PPP4R4: variants seen among roughly 807,000 people sequenced by gnomAD.
PPP4R4 encodes the protein serine/threonine-protein phosphatase 4 regulatory subunit 4.
PPP4R4 carries 70 observed loss-of-function variants against 121.8 expected under a neutral mutation model. The observed-to-expected ratio is 0.57, with a 90% CI of 0.47 to 0.70. PPP4R4 has a LOEUF of 0.70. Ranked by LOEUF, PPP4R4 falls within the 30% of genes least tolerant of loss-of-function variation. PPP4R4 has a pLI of 0.00. For missense variants in PPP4R4, 875 were observed against 1,033.6 expected (o/e 0.85, Z 2.10); for synonymous variants, 348 against 355.7 (o/e 0.98, Z 0.24).
chr14:94,224,962 G>C (rs1036378480), intron 3 of PPP4R4, among the ~76,000 whole-genome samples: 1 of 152,026 alleles, frequency 6.6e-6, no homozygotes, highest in Non-Finnish European at 1.5e-5. Flanking sequence ...TTTAATTTTA[G>C]GTTCTTGATT....
intron 2 of PPP4R4, among the ~76,000 whole-genome samples, chr14:94,187,305 C>CG (rs1289500923): frequency 1.3e-5 from 2 of 150,384 alleles, no homozygotes; most frequent in Non-Finnish European, 3.0e-5. Context: ...GACTCTGTCT[C>CG]GGAAAAAAAA....
chr14:94,224,471 G>C (rs763924128), intron 3 of PPP4R4, among the ~76,000 whole-genome samples: 3 of 152,064 alleles, frequency 2.0e-5, no homozygotes, highest in Non-Finnish European at 4.4e-5. Context: ...ATGGATTAAA[G>C]AAATAGACAA....
At chr14:94,197,499 A>G (rs1889944970) in intron 2 of PPP4R4, among the ~76,000 whole-genome samples, 1 of 152,176 alleles carries the variant, frequency 6.6e-6, no homozygotes, top group Admixed American at 6.5e-5. Context: ...CACTGCTGCC[A>G]TCTTCATAGG....
At chr14:94,174,736 C>A (rs1805342422) in intron 1 of PPP4R4, among the ~76,000 whole-genome samples, 154 bp downstream of exon 1, 1 of 151,950 alleles carries the variant, frequency 6.6e-6, no homozygotes, top group Non-Finnish European at 1.5e-5. Flanking sequence ...ACCCCTCTTG[C>A]CGTGTCGCCC....
intron 8 of PPP4R4, 107 bp downstream of exon 8, chr14:94,237,793 C>T (rs1892422073): frequency 1.5e-6 from 2 of 1,300,826 alleles, no homozygotes; most frequent in African/African-American, 1.5e-5. Flanking sequence ...TGTTAAGCCT[C>T]CCTTCCTCTC....
At chr14:94,181,999 T>C (rs893726974) in intron 2 of PPP4R4, among the ~76,000 whole-genome samples, 4 of 152,220 alleles carry the variant, frequency 2.6e-5, no homozygotes, top group African/African-American at 7.2e-5. Flanking sequence ...AGCTTTCAGC[T>C]TGCAGTTGCA....
intron 2 of PPP4R4, among the ~76,000 whole-genome samples, chr14:94,177,722 CTTAT>C (rs1230478216): frequency 6.6e-6 from 1 of 152,090 alleles, no homozygotes; most frequent in Non-Finnish European, 1.5e-5. Context: ...TTAAGGAAAG[CTTAT>C]TTGTTTTCTA....
At position 94,264,883 on chromosome 14, in the gene PPP4R4, AT is replaced by A; in HGVS notation, c.2135del (p.Leu712Ter). The A allele has an allele frequency of 6.2e-7, 1 of 1,600,926 alleles. No homozygotes were observed. Among genetic ancestry groups the A allele is most frequent in the Non-Finnish European group, 8.5e-7 (1 of 1,174,494 alleles). On this transcript the variant is annotated frameshift_variant, in exon 20 of 25. Transcript: ENST00000304338. LOFTEE classifies it high-confidence loss of function. ...AGATACTGTCTTAATAACAGGAACA[AT>A]TAGAGAAAGAAAAGCAACAGAATGA... ...EELLLLEMEQ[L>X]EKEKQQNDGR...
intron 11 of PPP4R4, among the ~76,000 whole-genome samples, chr14:94,242,771 C>A (rs1170720733): frequency 6.6e-6 from 1 of 152,032 alleles, no homozygotes; most frequent in Non-Finnish European, 1.5e-5. Context: ...CACTTGAGAA[C>A]CAATAGAAAA....
At chr14:94,241,235 C>T (rs1385122158) in intron 9 of PPP4R4, among the ~76,000 whole-genome samples, 3 of 151,926 alleles carry the variant, frequency 2.0e-5, no homozygotes, top group African/African-American at 4.8e-5. Context: ...CTTTCCGTAT[C>T]GATGTGAGAT....
At chr14:94,260,575 C>A (rs1302812576) in intron 19 of PPP4R4, among the ~76,000 whole-genome samples, 3 of 151,748 alleles carry the variant, frequency 2.0e-5, no homozygotes, top group Non-Finnish European at 4.4e-5. Flanking sequence ...TTTTTCTATT[C>A]CTGATGCCTA....
At chr14:94,183,713 T>C (rs1480078310) in intron 2 of PPP4R4, among the ~76,000 whole-genome samples, 1 of 152,172 alleles carries the variant, frequency 6.6e-6, no homozygotes, top group Non-Finnish European at 1.5e-5. Context: ...AAGTGACCCA[T>C]ATAATGTCAT....
intron 9 of PPP4R4, among the ~76,000 whole-genome samples, chr14:94,241,136 T>C (rs1892612434): frequency 6.6e-6 from 1 of 152,144 alleles, no homozygotes; most frequent in Non-Finnish European, 1.5e-5. Flanking sequence ...TAACCATTTA[T>C]TGAATAATTT....
intron 5 of PPP4R4, among the ~76,000 whole-genome samples, chr14:94,233,295 TAATC>T (rs1892152896): frequency 6.6e-6 from 1 of 152,248 alleles, no homozygotes; most frequent in African/African-American, 2.4e-5. Flanking sequence ...ATATAAAAAT[TAATC>T]TATATGGAAT....
intron 2 of PPP4R4, among the ~76,000 whole-genome samples, chr14:94,189,769 CT>C (rs1889493676): frequency 6.6e-6 from 1 of 152,164 alleles, no homozygotes; most frequent in Non-Finnish European, 1.5e-5. Flanking sequence ...GCCTGACCAT[CT>C]TTCTATATCA....
At chr14:94,198,180 C>T (rs1030805185) in intron 2 of PPP4R4, among the ~76,000 whole-genome samples, 2 of 152,184 alleles carry the variant, frequency 1.3e-5, no homozygotes, top group Non-Finnish European at 2.9e-5. Context: ...CATTACTCCT[C>T]ATCCTTGCCA....
intron 2 of PPP4R4, among the ~76,000 whole-genome samples, chr14:94,201,930 G>T (rs1157860508): frequency 6.8e-6 from 1 of 147,782 alleles, no homozygotes; most frequent in Non-Finnish European, 1.5e-5. Context: ...GAAAATGTGT[G>T]TGTGTATATA....
chr14:94,237,164 A>G (rs987375734), intron 7 of PPP4R4, among the ~76,000 whole-genome samples: 1 of 152,174 alleles, frequency 6.6e-6, no homozygotes, highest in Non-Finnish European at 1.5e-5. Context: ...AAAATAATTT[A>G]TACCCTGAAA....
At position 94,174,325 on chromosome 14, in the gene PPP4R4, G is replaced by A; in HGVS notation, c.-141G>A. On this transcript the variant is annotated 5_prime_UTR_variant, in exon 1 of 25. Transcript: ENST00000304338. ...CGCCCCCTCGCCGGGCCGTGCTCTT[G>A]CTCCCGCCGCCTGGCAGCCTCACGC... 1 of 679,118 alleles carries A rather than the reference G, an allele frequency of 1.5e-6. No individual in the cohort carries two copies. The highest frequency in any genetic ancestry group is 2.0e-6 in the Non-Finnish European group (1 of 500,638). 42.1% of individuals were successfully genotyped at this position (679,118 alleles called of 1,614,324 possible).
Sources: gnomAD v4.1 joint callset for allele counts (sites outside exome capture counted in the v4.1 genomes callset) on GRCh38, gnomAD v4.1.1 for gene constraint, MANE v1.5 for transcripts, NCBI Gene and HGNC (gene_info 2026-07-23, HGNC 2026-07-21) for gene names.